CACNA1S: variants seen among roughly 807,000 people sequenced by gnomAD.
CACNA1S encodes calcium voltage-gated channel subunit alpha1 S.
CACNA1S carries 126 observed loss-of-function variants against 207.4 expected under a neutral mutation model. The ratio of observed to expected loss-of-function variants is 0.61; its 90% CI spans 0.53 to 0.70. The LOEUF (loss-of-function observed/expected upper bound fraction) is 0.70. Ranked by LOEUF, CACNA1S falls within the 30% of genes least tolerant of loss-of-function variation. The pLI is 0.00. For missense variants in CACNA1S, 2,349 were observed against 2,422.8 expected (o/e 0.97, Z 0.64); for synonymous variants, 960 against 932.7 (o/e 1.03, Z -0.53).
chr1:201,085,117 C>A (rs1661987933), intron 8 of CACNA1S, 86 bp from the exon 9 acceptor site: 1 of 944,492 alleles, frequency 1.1e-6, no homozygotes, highest in Non-Finnish European at 1.7e-6. Flanking sequence ...GACAAGGGCC[C>A]ATTGACCAGA....
At chr1:201,055,649 C>T (rs1239821950) in intron 28 of CACNA1S, among the ~76,000 whole-genome samples, 6 of 152,178 alleles carry the variant, frequency 3.9e-5, no homozygotes, top group Non-Finnish European at 8.8e-5. Flanking sequence ...AGTGGCTACT[C>T]TATTGGACAG....
chr1:201,087,823 T>C lies in CACNA1S; in HGVS notation c.1004+3A>G, dbSNP rs1662087719. The C allele has an allele frequency of 6.2e-6, 10 of 1,600,802 alleles. 1 individual carries two copies. The East Asian group carries it at 2.2e-4, about 36-fold the overall frequency. On this transcript the variant is annotated splice_donor_region_variant and intron_variant, in intron 7 of 43. Coordinates refer to ENST00000362061, the MANE Select transcript of CACNA1S (RefSeq NM_000069.3). ...CTCCCCTGGCTACCTTTGAATTTCT[T>C]ACCCACTCAGGACACCCAGCACCAG...
chr1:201,080,835 A>G (rs1180061139), intron 10 of CACNA1S, among the ~76,000 whole-genome samples: 1 of 152,146 alleles, frequency 6.6e-6, no homozygotes, highest in East Asian at 1.9e-4. Flanking sequence ...ATTAAGAAGC[A>G]TCCTTAAAGA....
At chr1:201,072,678 C>A (rs1031536965) in intron 16 of CACNA1S, 77 bp downstream of exon 16, 54 of 1,038,914 alleles carry the variant, frequency 5.2e-5, no homozygotes, top group Non-Finnish European at 7.5e-5. Flanking sequence ...AGAGACTGCC[C>A]ATGGGGAGAA....
At position 201,068,740 on chromosome 1, in the gene CACNA1S, CAG is replaced by C. The variant is rs377645473; in HGVS notation, c.2550+395_2550+396del. Among the ~76,000 whole-genome samples, 1,041 of 152,090 alleles carry C rather than the reference CAG, an allele frequency of 6.8e-3. 16 individuals carry two copies. Among genetic ancestry groups the C allele is most frequent in the African/African-American group, 0.024 (976 of 41,514 alleles). On this transcript the variant is annotated intron_variant, in intron 19 of 43. Coordinates refer to ENST00000362061, the MANE Select transcript of CACNA1S (RefSeq NM_000069.3). ...ACAAAAAATTAGCTGGGTGTGGTGG[CAG>C]ACGCCTGTAATCCCAGCTACTTGAG...
chr1:201,091,547 C>T (rs1662232947), intron 5 of CACNA1S, 93 bp downstream of exon 5: 11 of 1,430,978 alleles, frequency 7.7e-6, no homozygotes, highest in Non-Finnish European at 7.9e-6. Flanking sequence ...GCGGCAATGG[C>T]TGAGCTCCGG....
chr1:201,092,788 A>T (rs1662287143), intron 3 of CACNA1S, among the ~76,000 whole-genome samples: 1 of 152,240 alleles, frequency 6.6e-6, no homozygotes, highest in African/African-American at 2.4e-5. Flanking sequence ...GATTCACAGA[A>T]TTCTTCTATT....
chr1:201,070,912 A>T (rs1661419417), intron 16 of CACNA1S, among the ~76,000 whole-genome samples: 1 of 152,118 alleles, frequency 6.6e-6, no homozygotes, highest in Non-Finnish European at 1.5e-5. Flanking sequence ...CTGGGCTAGG[A>T]TTTTAAAAAT....
chr1:201,049,152 AC>A, intron 34 of CACNA1S, 53 bp from the exon 35 acceptor site: 1 of 1,278,514 alleles, frequency 7.8e-7, no homozygotes, highest in Non-Finnish European at 1.1e-6. Context: ...CGCTGCCAGA[AC>A]CTTTCTGCTC....
chr1:201,074,740 AAG>A, intron 13 of CACNA1S, 120 bp from the exon 14 acceptor site: 3 of 732,290 alleles, frequency 4.1e-6, no homozygotes, highest in Non-Finnish European at 7.5e-6. Flanking sequence ...TACCCATGGG[AAG>A]GTGTGGATCC....
intron 10 of CACNA1S, among the ~76,000 whole-genome samples, chr1:201,082,934 A>G (rs867348192): frequency 3.3e-5 from 5 of 152,220 alleles, no homozygotes; most frequent in African/African-American, 1.2e-4. Context: ...CAAAGCCATG[A>G]AGAGGAAAAT....
chr1:201,061,172 C>A, intron 25 of CACNA1S, 95 bp downstream of exon 25: 1 of 1,101,060 alleles, frequency 9.1e-7, no homozygotes, highest in African/African-American at 1.5e-5. Context: ...CTGGGGTCAC[C>A]CTTAGGCCTC....
intron 14 of CACNA1S, 35 bp from the exon 15 acceptor site, chr1:201,073,677 G>C (rs989716015): frequency 3.9e-6 from 6 of 1,540,924 alleles, no homozygotes; most frequent in Non-Finnish European, 5.4e-6. Flanking sequence ...AGCCAAACCA[G>C]AAAGTTCTCA....
At chr1:201,091,325 GCTT>G (rs1430787780) in intron 5 of CACNA1S, among the ~76,000 whole-genome samples, 2 of 152,302 alleles carry the variant, frequency 1.3e-5, no homozygotes, top group African/African-American at 4.8e-5. Flanking sequence ...AGAAATTCAA[GCTT>G]ATCCCATGCC....
intron 5 of CACNA1S, among the ~76,000 whole-genome samples, chr1:201,090,513 G>A (rs1662185720): frequency 6.6e-6 from 1 of 152,166 alleles, no homozygotes; most frequent in South Asian, 2.1e-4. Context: ...TCATGAGGAG[G>A]TGAGTAGAGT....
chr1:201,049,748 T>C (rs1181524794), intron 34 of CACNA1S, among the ~76,000 whole-genome samples: 1 of 152,134 alleles, frequency 6.6e-6, no homozygotes, highest in Non-Finnish European at 1.5e-5. Context: ...TAGAGGCAAG[T>C]AGGTTTGGCT....
At position 201,062,529 on chromosome 1, in the gene CACNA1S, AG is replaced by A; in HGVS notation, c.2854-16del. On this transcript the variant is annotated splice_polypyrimidine_tract_variant and intron_variant, in intron 22 of 43. Coordinates refer to ENST00000362061, the MANE Select transcript of CACNA1S (RefSeq NM_000069.3). ...AAGAACTTCCCCTGCAGCCAGGAAG[AG>A]GGAGGGAGGGAGGGAGGCATGTTGT... 2 of 648,258 alleles carry A rather than the reference AG, an allele frequency of 3.1e-6. No individual in the cohort carries two copies. The highest frequency in any genetic ancestry group is 5.4e-6 in the Non-Finnish European group (2 of 367,860). The allele number at this position is 648,258 out of a possible 1,614,324, so 40.2% of individuals were successfully genotyped here.
chr1:201,110,983 G>A (rs573654395), intron 1 of CACNA1S, among the ~76,000 whole-genome samples: 9 of 152,280 alleles, frequency 5.9e-5, no homozygotes, highest in Non-Finnish European at 1.2e-4. Flanking sequence ...GGCATATTAC[G>A]TAGTTGGGCT....
At position 201,040,348 on chromosome 1, in the gene CACNA1S, A is replaced by G; in HGVS notation, c.5253T>C (p.Pro1751=). The G allele has an allele frequency of 3.7e-6, 6 of 1,613,608 alleles. No individual in the cohort carries two copies. The highest frequency in any genetic ancestry group is 5.1e-6 in the Non-Finnish European group (6 of 1,179,906). ...CQCPRVESSM[P]EDRKSSTPGS... is the part of the protein sequence containing the mutation. ...CTGGTGTGGAGCTCTTTCTGTCCTC[A>G]GGCATGGAGGACTCCACCCTGGGGC... is the stretch of plus-strand genomic sequence containing the variant. Residue 1751 remains proline, a synonymous_variant, in exon 43 of 44, where the codon CCT becomes CCC. Coordinates refer to ENST00000362061, the MANE Select transcript of CACNA1S (RefSeq NM_000069.3).
Sources: allele counts gnomAD v4.1 joint callset (sites outside exome capture counted in the v4.1 genomes callset), GRCh38; gene constraint gnomAD v4.1.1; transcripts MANE v1.5; gene names NCBI Gene and HGNC (gene_info 2026-07-23, HGNC 2026-07-21).